TBC1D19: variants seen among roughly 807,000 people sequenced by gnomAD.
TBC1D19 encodes TBC1 domain family member 19.
Under a neutral mutation model 89.0 loss-of-function variants are expected in TBC1D19, and 60 were observed. That is an observed-to-expected ratio of 0.67 (90% confidence interval 0.55 to 0.84). TBC1D19 has a LOEUF of 0.84. TBC1D19 is among the 40% of genes least tolerant of loss of function. The pLI is 0.00. For synonymous variants in TBC1D19, 189 were observed against 199.7 expected, an observed-to-expected ratio of 0.95 and a Z score of 0.45; for missense variants, 500 against 610.8, an observed-to-expected ratio of 0.82 and a Z score of 1.91.
At chr4:26,595,793 T>A (rs931722994) in intron 1 of TBC1D19, among the ~76,000 whole-genome samples, 1 of 152,172 alleles carries the variant, frequency 6.6e-6, no homozygotes, top group Non-Finnish European at 1.5e-5. Flanking sequence ...TTTCTAGGTC[T>A]CTATTCTGTT....
the TBC1D19 span, among the ~76,000 whole-genome samples, chr4:26,772,979 C>G: frequency 2.6e-5 from 4 of 152,022 alleles, no homozygotes; most frequent in Non-Finnish European, 4.4e-5. Context: ...GGGTATATAC[C>G]CAGTAATGGG....
intron 3 of TBC1D19, among the ~76,000 whole-genome samples, chr4:26,619,373 T>C (rs1741892432): frequency 6.6e-6 from 1 of 151,918 alleles, no homozygotes; most frequent in Admixed American, 6.6e-5. Context: ...GCTGGCTAAT[T>C]TTTTTGTATT....
chr4:26,603,220 T>C (rs77515725), intron 1 of TBC1D19, among the ~76,000 whole-genome samples: 2 of 152,234 alleles, frequency 1.3e-5, no homozygotes, highest in East Asian at 3.8e-4. Flanking sequence ...ACTTACAGAC[T>C]TCTCTGATGA....
At chr4:26,823,262 C>T in the TBC1D19 span, among the ~76,000 whole-genome samples, 427 of 152,242 alleles carry the variant, frequency 2.8e-3, 1 homozygote, top group African/African-American at 9.0e-3. Flanking sequence ...GAAAGACCTG[C>T]CCCCATGATT....
chr4:26,785,501 G>T, the TBC1D19 span, among the ~76,000 whole-genome samples: 1 of 152,168 alleles, frequency 6.6e-6, no homozygotes. Flanking sequence ...CAATGATGAC[G>T]ATGATGATGA....
chr4:26,690,094 A>G (rs1560474037), intron 13 of TBC1D19, among the ~76,000 whole-genome samples: 1 of 152,192 alleles, frequency 6.6e-6, no homozygotes, highest in Non-Finnish European at 1.5e-5. Context: ...TATGGAGAAA[A>G]TTTTAGTAGT....
the TBC1D19 span, among the ~76,000 whole-genome samples, chr4:26,848,340 GA>G: frequency 6.6e-6 from 1 of 152,160 alleles, no homozygotes; most frequent in African/African-American, 2.4e-5. Context: ...GTCAACTACA[GA>G]CTATGGGTTT....
At chr4:26,814,978 C>T in the TBC1D19 span, among the ~76,000 whole-genome samples, 3 of 151,642 alleles carry the variant, frequency 2.0e-5, 1 homozygote, top group Middle Eastern at 6.8e-3. Context: ...GCTATGATTG[C>T]ACCACTGCAC....
chr4:26,768,434 C>T, the TBC1D19 span, among the ~76,000 whole-genome samples: 12 of 152,152 alleles, frequency 7.9e-5, no homozygotes, highest in African/African-American at 2.9e-4. Context: ...ATGTACAATA[C>T]TTGGCATTTG....
chr4:26,771,675 G>A, the TBC1D19 span, among the ~76,000 whole-genome samples: 1 of 151,980 alleles, frequency 6.6e-6, no homozygotes, highest in Non-Finnish European at 1.5e-5. Flanking sequence ...ATGAAGAGTC[G>A]TTTTTCAATA....
intron 1 of TBC1D19, among the ~76,000 whole-genome samples, chr4:26,610,515 G>C (rs1401052628): frequency 6.9e-6 from 1 of 144,872 alleles, no homozygotes; most frequent in African/African-American, 2.6e-5. Context: ...TAAATTGTTT[G>C]TCACGGGGGT....
At chr4:26,764,281 C>G in the TBC1D19 span, among the ~76,000 whole-genome samples, 1 of 152,102 alleles carries the variant, frequency 6.6e-6, no homozygotes. Context: ...AAGCCAACCT[C>G]CTTCTCTCAT....
At chr4:26,606,314 G>C (rs189707766) in intron 1 of TBC1D19, among the ~76,000 whole-genome samples, 169 of 152,342 alleles carry the variant, frequency 1.1e-3, no homozygotes, top group African/African-American at 3.7e-3. Context: ...AGGGTGGTAA[G>C]AAGGCTCTGT....
At chr4:26,589,924 C>T (rs1446842294) in intron 1 of TBC1D19, among the ~76,000 whole-genome samples, 1 of 152,170 alleles carries the variant, frequency 6.6e-6, no homozygotes, top group African/African-American at 2.4e-5. Flanking sequence ...CCTGTGCCAC[C>T]AGAGTGCTCT....
At chr4:26,781,537 A>G in the TBC1D19 span, among the ~76,000 whole-genome samples, 1 of 152,220 alleles carries the variant, frequency 6.6e-6, no homozygotes, top group South Asian at 2.1e-4. Context: ...AAAATCTGCA[A>G]GATTGGCCAC....
intron 18 of TBC1D19, among the ~76,000 whole-genome samples, chr4:26,743,483 T>C (rs1718482407): frequency 6.6e-6 from 1 of 152,106 alleles, no homozygotes; most frequent in Non-Finnish European, 1.5e-5. Context: ...TACGTTAAGA[T>C]AATTCAGTTT....
chr4:26,830,753 C>A, the TBC1D19 span, among the ~76,000 whole-genome samples: 2 of 152,216 alleles, frequency 1.3e-5, no homozygotes, highest in African/African-American at 4.8e-5. Context: ...AATGCTGGAA[C>A]TGTCCTAACA....
At chr4:26,719,009 CT>C (rs1378811484) in intron 14 of TBC1D19, among the ~76,000 whole-genome samples, 2 of 152,004 alleles carry the variant, frequency 1.3e-5, no homozygotes. Flanking sequence ...ATCATAGGTC[CT>C]TGAAGAACTA....
intron 15 of TBC1D19, among the ~76,000 whole-genome samples, chr4:26,727,510 G>A (rs115243982): frequency 6.6e-6 from 1 of 152,172 alleles, no homozygotes; most frequent in Non-Finnish European, 1.5e-5. Context: ...CATAAAATAG[G>A]TATGGGTTAT....
Sources: gnomAD v4.1 joint callset for allele counts (sites outside exome capture counted in the v4.1 genomes callset) on GRCh38, gnomAD v4.1.1 for gene constraint, MANE v1.5 for transcripts, NCBI Gene and HGNC (gene_info 2026-07-23, HGNC 2026-07-21) for gene names.